Variants in CHST3 observed in about 807,000 individuals in gnomAD.
CHST3 encodes the protein C6ST-1.
CHST3 carries 20 observed loss-of-function variants against 35.4 expected under a neutral mutation model. The ratio of observed to expected loss-of-function variants is 0.57; its 90% CI spans 0.40 to 0.82. The LOEUF is 0.82. CHST3 is among the 40% of genes least tolerant of loss of function. CHST3 has a pLI of 0.00. For missense variants in CHST3, 693 were observed against 670.1 expected, an observed-to-expected ratio of 1.03 and a Z score of -0.38; for synonymous variants, 334 against 295.9, an observed-to-expected ratio of 1.13 and a Z score of -1.32.
chr10:71,965,507 G>A (rs1327719232), intron 1 of CHST3, among the ~76,000 whole-genome samples: 1 of 152,184 alleles, frequency 6.6e-6, no homozygotes, highest in Non-Finnish European at 1.5e-5. Flanking sequence ...GTGTGGACGG[G>A]GTAAGGGGAG....
At chr10:71,973,099 T>G (rs1006945123) in intron 1 of CHST3, among the ~76,000 whole-genome samples, 2 of 152,194 alleles carry the variant, frequency 1.3e-5, no homozygotes, top group Non-Finnish European at 2.9e-5. Context: ...CAGTCCAGGA[T>G]GCTTCTGTGA....
At chr10:71,990,132 G>C (rs540860102) in intron 1 of CHST3, among the ~76,000 whole-genome samples, 2 of 152,262 alleles carry the variant, frequency 1.3e-5, no homozygotes, top group East Asian at 3.9e-4. Context: ...GAATTCCTGG[G>C]TCGAAGAGTG....
At chr10:71,971,305 G>A (rs923560077) in intron 1 of CHST3, among the ~76,000 whole-genome samples, 6 of 152,162 alleles carry the variant, frequency 3.9e-5, no homozygotes, top group Admixed American at 2.6e-4. Flanking sequence ...GTGGTTGTGG[G>A]GTGAGTCCTG....
intron 1 of CHST3, among the ~76,000 whole-genome samples, chr10:72,000,856 G>C (rs1839985917): frequency 6.6e-6 from 1 of 152,110 alleles, no homozygotes; most frequent in African/African-American, 2.4e-5. Flanking sequence ...GAGGAAGCCA[G>C]GGAAGCAGGA....
intron 1 of CHST3, among the ~76,000 whole-genome samples, chr10:71,996,451 CGTGTGTGTGT>C (rs10564775): frequency 6.8e-6 from 1 of 146,392 alleles, no homozygotes; most frequent in African/African-American, 2.6e-5. Context: ...TGTGTCTCTG[CGTGTGTGTGT>C]GTGTGTGTGT....
chr10:71,978,143 G>A (rs1338680383), intron 1 of CHST3, among the ~76,000 whole-genome samples: 1 of 152,288 alleles, frequency 6.6e-6, no homozygotes, highest in Non-Finnish European at 1.5e-5. Context: ...CACTTTGGGA[G>A]GCCAAGGTGG....
intron 1 of CHST3, among the ~76,000 whole-genome samples, chr10:71,967,292 G>A (rs927665948): frequency 1.3e-5 from 2 of 152,112 alleles, no homozygotes; most frequent in Admixed American, 6.5e-5. Flanking sequence ...GCACAGGCCC[G>A]AGATGGGTGG....
chr10:71,998,074 G>T (rs1377214098), intron 1 of CHST3, among the ~76,000 whole-genome samples: 2 of 152,108 alleles, frequency 1.3e-5, no homozygotes, highest in African/African-American at 4.8e-5. Flanking sequence ...GGGATGTCGA[G>T]GCTGCAGTGA....
Position 72,005,876 on chromosome 10 carries a change from C to G in CHST3, c.34C>G (p.Arg12Gly). The G allele has an allele frequency of 1.9e-6, 3 of 1,614,238 alleles. No homozygotes were observed. The highest frequency in any genetic ancestry group is 2.5e-6 in the Non-Finnish European group (3 of 1,180,046). ...EKGLTLPQDC[R>G]DFVHSLKMRS... Reference sequence around the variant, plus strand: ...AGGACTCACTTTGCCCCAGGACTGCCGGGACTTTGTGCACAGCCTGAAGAT... The same window carrying G: ...AGGACTCACTTTGCCCCAGGACTGCGGGGACTTTGTGCACAGCCTGAAGAT... Residue 12 changes from arginine to glycine, a missense_variant, in exon 2 of 3, where the codon CGG (arginine) becomes GGG (glycine). Arg to Gly is a moderately radical substitution (Grantham distance 125, BLOSUM62 -2). Coordinates refer to ENST00000373115, the MANE Select transcript of CHST3 (RefSeq NM_004273.5).
At chr10:71,975,414 G>A (rs1260710322) in intron 1 of CHST3, among the ~76,000 whole-genome samples, 1 of 152,248 alleles carries the variant, frequency 6.6e-6, no homozygotes, top group Non-Finnish European at 1.5e-5. Flanking sequence ...ACCACAGAAG[G>A]TGGAACATAT....
At chr10:71,985,508 A>G (rs1256903185) in intron 1 of CHST3, among the ~76,000 whole-genome samples, 1 of 152,172 alleles carries the variant, frequency 6.6e-6, no homozygotes, top group East Asian at 1.9e-4. Flanking sequence ...TTCTGCAAAA[A>G]GCCAAACTCC....
At chr10:71,987,014 A>G (rs1341024767) in intron 1 of CHST3, among the ~76,000 whole-genome samples, 1 of 152,076 alleles carries the variant, frequency 6.6e-6, no homozygotes, top group Admixed American at 6.5e-5. Flanking sequence ...GCTGGGACCC[A>G]CTCCAAGTCT....
At chr10:72,006,042 G>C in intron 2 of CHST3, 60 bp downstream of exon 2, 358 of 1,153,112 alleles carry the variant, frequency 3.1e-4, no homozygotes, top group Non-Finnish European at 4.1e-4. Flanking sequence ...TGGGGACAGG[G>C]AGGTAACTGC....
chr10:71,967,862 A>T (rs994510508), intron 1 of CHST3, among the ~76,000 whole-genome samples: 8 of 151,958 alleles, frequency 5.3e-5, no homozygotes, highest in African/African-American at 1.9e-4. Context: ...TTGCTCTGTC[A>T]CCAGGCTGGA....
intron 1 of CHST3, among the ~76,000 whole-genome samples, chr10:71,970,915 G>C (rs988800170): frequency 6.6e-6 from 1 of 152,210 alleles, no homozygotes; most frequent in Non-Finnish European, 1.5e-5. Flanking sequence ...AAAAATGTCA[G>C]GTTTCTTTGC....
chr10:71,975,232 C>T (rs1042751393), intron 1 of CHST3, among the ~76,000 whole-genome samples: 1 of 152,134 alleles, frequency 6.6e-6, no homozygotes. Flanking sequence ...GCTTTATTTT[C>T]GTCCATCTGA....
chr10:72,001,718 G>A (rs1430371450), intron 1 of CHST3, among the ~76,000 whole-genome samples: 1 of 152,180 alleles, frequency 6.6e-6, no homozygotes, highest in Non-Finnish European at 1.5e-5. Context: ...AGGTCCACCT[G>A]CCTTGGCCTC....
At chr10:72,006,778 C>T (rs1241024590) in intron 2 of CHST3, among the ~76,000 whole-genome samples, 2 of 152,164 alleles carry the variant, frequency 1.3e-5, no homozygotes, top group African/African-American at 2.4e-5. Flanking sequence ...GAGCAAGGAC[C>T]GTTCTAGCTT....
Position 72,007,215 on chromosome 10 carries a change from G to C in CHST3, c.184G>C (p.Ala62Pro). 1 of 1,614,186 alleles carries C rather than the reference G, an allele frequency of 6.2e-7. No individual in the cohort carries two copies. The highest frequency in any genetic ancestry group is 8.5e-7 in the Non-Finnish European group (1 of 1,180,044). ...GCAGATTCCCCAAGCTCTAGCAGAT[G>C]CCAACAGCACCGACCCAGCCCTGAT... ...LKQIPQALADANSTDPALILA... is the reference protein window; with the variant it reads ...LKQIPQALADPNSTDPALILA... Residue 62 changes from alanine to proline, a missense_variant, in exon 3 of 3, where the codon GCC (alanine) becomes CCC (proline). Coordinates refer to ENST00000373115, the MANE Select transcript of CHST3 (RefSeq NM_004273.5).
Sources: allele counts gnomAD v4.1 joint callset (sites outside exome capture counted in the v4.1 genomes callset), GRCh38; gene constraint gnomAD v4.1.1; transcripts MANE v1.5; gene names NCBI Gene and HGNC (gene_info 2026-07-23, HGNC 2026-07-21).